MACROD2: variants seen among roughly 807,000 people sequenced by gnomAD.
MACROD2 encodes ADP-ribose glycohydrolase MACROD2.
In MACROD2, 36 loss-of-function variants were observed where a neutral mutation model predicts 70.4. The ratio of observed to expected loss-of-function variants is 0.51; its 90% CI spans 0.39 to 0.68. MACROD2 has a LOEUF of 0.68. Among genes scored for constraint, MACROD2 ranks in the 30% least tolerant of loss-of-function variants. The pLI is 0.00. For synonymous variants in MACROD2, 172 were observed against 178.8 expected (o/e 0.96, Z 0.30); for missense variants, 496 against 538.4 (o/e 0.92, Z 0.78).
intron 3 of MACROD2, among the ~76,000 whole-genome samples, chr20:14,190,529 G>A (rs1291544093): frequency 6.6e-6 from 1 of 150,452 alleles, no homozygotes; most frequent in Admixed American, 6.6e-5. Flanking sequence ...TCTCCTTTTG[G>A]TAAGGAGACA....
At chr20:14,654,494 C>T (rs2123518587) in intron 4 of MACROD2, among the ~76,000 whole-genome samples, 1 of 146,082 alleles carries the variant, frequency 6.8e-6, no homozygotes, top group Middle Eastern at 3.6e-3. Flanking sequence ...TGCAGTGAGC[C>T]AAAATCGTGC....
intron 5 of MACROD2, among the ~76,000 whole-genome samples, chr20:14,947,870 C>T (rs751324298): frequency 4.6e-5 from 7 of 152,154 alleles, no homozygotes; most frequent in Non-Finnish European, 7.4e-5. Context: ...TCTACAGCCA[C>T]GATCCTGGTA....
Position 15,227,823 on chromosome 20 carries a change from G to GTTTT in MACROD2, c.419-2094_419-2091dup, listed in dbSNP as rs59129207. Among the ~76,000 whole-genome samples the GTTTT allele has an allele frequency of 9.6e-3, 441 of 46,018 alleles. 90 individuals carry two copies. Among genetic ancestry groups the GTTTT allele is most frequent in the African/African-American group, 0.04 (407 of 10,254 alleles). 30.2% of individuals were successfully genotyped at this position (46,018 alleles called of 152,430 possible). A position where few individuals can be genotyped will look rare whatever the true frequency, so the allele number is the denominator to read the frequency against. ...TAACTGGTGTGATAGAATTTCACCT[G>GTTTT]TTTTTTTTTTTTTTTTTTTTTTTTT... is the stretch of plus-strand genomic sequence containing the variant. On this transcript the variant is annotated intron_variant, in intron 5 of 17. Coordinates refer to ENST00000684519, the MANE Select transcript of MACROD2 (RefSeq NM_001351661.2).
intron 6 of MACROD2, among the ~76,000 whole-genome samples, chr20:15,373,721 A>G (rs947285746): frequency 9.2e-5 from 14 of 152,140 alleles, no homozygotes; most frequent in Non-Finnish European, 8.8e-5. Context: ...GCACTTTTCA[A>G]GAAGAAACTT....
intron 8 of MACROD2, among the ~76,000 whole-genome samples, chr20:15,520,507 G>A (rs1401713771): frequency 6.7e-6 from 1 of 149,002 alleles, no homozygotes; most frequent in East Asian, 1.9e-4. Context: ...TGAAAACCAG[G>A]ACACATTAAC....
At chr20:14,009,864 C>T (rs972017918) in intron 2 of MACROD2, among the ~76,000 whole-genome samples, 8 of 152,144 alleles carry the variant, frequency 5.3e-5, no homozygotes, top group African/African-American at 1.2e-4. Flanking sequence ...CAAACTCTAA[C>T]GCAGTAACAG....
chr20:14,486,513 C>CTTTTTT lies in MACROD2; in HGVS notation c.272-6961_272-6960insTTTTTT, dbSNP rs71335969. 3.8e-3 allele frequency among the ~76,000 whole-genome samples: 372 copies of CTTTTTT among 97,062 alleles called. 57 individuals carry two copies. Among genetic ancestry groups the CTTTTTT allele is most frequent in the South Asian group, 8.5e-3 (21 of 2,472 alleles). 63.7% of individuals were successfully genotyped at this position (97,062 alleles called of 152,430 possible). A position where few individuals can be genotyped will look rare whatever the true frequency, so the allele number is the denominator to read the frequency against. Reference sequence around the variant, plus strand: ...GAGCTATCTGGCATAAAATAGCCAACTTTTTATTTTATTTTTTTTTTTTGA... The same window carrying CTTTTTT: ...GAGCTATCTGGCATAAAATAGCCAACTTTTTTTTTTTATTTTATTTTTTTTTTTTGA... On this transcript the variant is annotated intron_variant, in intron 3 of 17. Coordinates refer to ENST00000684519, the MANE Select transcript of MACROD2 (RefSeq NM_001351661.2).
At chr20:14,270,511 C>A (rs1400577677) in intron 3 of MACROD2, among the ~76,000 whole-genome samples, 1 of 151,888 alleles carries the variant, frequency 6.6e-6, no homozygotes, top group Admixed American at 6.6e-5. Flanking sequence ...ATTGCTTGAA[C>A]CCGGGAGGCT....
At position 14,910,631 on chromosome 20, in the gene MACROD2, T is replaced by G. The variant is rs1001938472; in HGVS notation, c.418+225672T>G. Among the ~76,000 whole-genome samples, 3 of 152,200 alleles carry G rather than the reference T, an allele frequency of 2.0e-5. 1 individual carries two copies. Among genetic ancestry groups the G allele is most frequent in the African/African-American group, 7.2e-5 (3 of 41,470 alleles). The stretch of plus-strand genomic sequence containing the variant: ...AGCTCTGTGGTCCCTGATCCATTCA[T>G]TAAGCATTTCACATGTATGTCACTC... On this transcript the variant is annotated intron_variant, in intron 5 of 17. Transcript: ENST00000684519.
chr20:15,088,394 ATT>A (rs1237716529), intron 5 of MACROD2, among the ~76,000 whole-genome samples: 4 of 102,942 alleles, frequency 3.9e-5, no homozygotes, highest in Middle Eastern at 4.6e-3. Flanking sequence ...TATATACTAT[ATT>A]TTATATATAT....
chr20:15,661,847 G>A (rs73900046), intron 8 of MACROD2, among the ~76,000 whole-genome samples: 6,764 of 152,174 alleles, frequency 0.044, 477 homozygotes, highest in African/African-American at 0.15. Flanking sequence ...GTAAAGATGA[G>A]GTAAAATAAT....
chr20:14,925,952 G>A (rs190892727), intron 5 of MACROD2, among the ~76,000 whole-genome samples: 19 of 152,226 alleles, frequency 1.2e-4, no homozygotes, highest in African/African-American at 4.3e-4. Context: ...TGGCTTTGGA[G>A]ACAGGAAATA....
At chr20:15,082,760 A>G (rs1311462936) in intron 5 of MACROD2, among the ~76,000 whole-genome samples, 1 of 152,070 alleles carries the variant, frequency 6.6e-6, no homozygotes, top group Non-Finnish European at 1.5e-5. Flanking sequence ...TGCTTTGTTC[A>G]TAATTGTGAC....
At chr20:14,135,890 C>T (rs545011167) in intron 3 of MACROD2, among the ~76,000 whole-genome samples, 44 of 152,192 alleles carry the variant, frequency 2.9e-4, no homozygotes, top group African/African-American at 9.4e-4. Flanking sequence ...TAACATTGTA[C>T]TTGATGAAAG....
chr20:15,066,994 CA>C (rs977871169), intron 5 of MACROD2, among the ~76,000 whole-genome samples: 3 of 150,092 alleles, frequency 2.0e-5, no homozygotes, highest in Non-Finnish European at 4.4e-5. Flanking sequence ...AATTTCAAAA[CA>C]AAAAAAACAC....
At chr20:14,552,912 A>T (rs114888371) in intron 4 of MACROD2, among the ~76,000 whole-genome samples, 1,556 of 152,312 alleles carry the variant, frequency 0.01, 26 homozygotes, top group African/African-American at 0.036. Flanking sequence ...GTGAAGGACT[A>T]GGACATTGCT....
chr20:14,073,418 T>C (rs1455302143), intron 2 of MACROD2, among the ~76,000 whole-genome samples: 1 of 152,072 alleles, frequency 6.6e-6, no homozygotes, highest in Non-Finnish European at 1.5e-5. Context: ...AAGGAGAATT[T>C]AAAGAACCAT....
In MACROD2 at chr20:15,153,133, C is replaced by T. The variant is rs548282105; in HGVS notation, c.419-76807C>T. On this transcript the variant is annotated intron_variant, in intron 5 of 17. Coordinates refer to ENST00000684519, the MANE Select transcript of MACROD2 (RefSeq NM_001351661.2). ...ATCTCCCAAGGGAGGTCCCCCAGTT[C>T]GAGTCACGGCACCAAATTTCATGTG... Among the ~76,000 whole-genome samples, 117 of 152,084 alleles carry T rather than the reference C, an allele frequency of 7.7e-4. 2 individuals are homozygous for T. Among genetic ancestry groups the T allele is most frequent in the African/African-American group, 2.0e-3 (81 of 41,416 alleles).
At chr20:15,929,709 G>A (rs979133086) in intron 10 of MACROD2, among the ~76,000 whole-genome samples, 1 of 152,162 alleles carries the variant, frequency 6.6e-6, no homozygotes, top group Non-Finnish European at 1.5e-5. Flanking sequence ...TATCAGGATA[G>A]CAATCCGTGA....
Sources: allele counts gnomAD v4.1 joint callset (sites outside exome capture counted in the v4.1 genomes callset), GRCh38; gene constraint gnomAD v4.1.1; transcripts MANE v1.5; gene names NCBI Gene and HGNC (gene_info 2026-07-23, HGNC 2026-07-21).